Variants in AHRR observed in about 807,000 individuals in gnomAD.
AHRR encodes the protein aryl hydrocarbon receptor repressor, also known as ahR repressor.
In AHRR, 28 loss-of-function variants were observed where a neutral mutation model predicts 44.0. That is an observed-to-expected ratio of 0.64 (90% CI 0.47 to 0.87). The LOEUF (loss-of-function observed/expected upper bound fraction) is 0.87, where lower values mean the gene tolerates loss of function less well. Ranked by LOEUF, AHRR falls within the 40% of genes least tolerant of loss-of-function variation. AHRR has a pLI of 0.00. For missense variants in AHRR, 990 were observed against 953.9 expected (o/e 1.04, Z -0.50); for synonymous variants, 434 against 407.0 (o/e 1.07, Z -0.80).
chr5:329,010 CT>C (rs1741825331), intron 1 of AHRR, among the ~76,000 whole-genome samples: 3 of 152,192 alleles, frequency 2.0e-5, no homozygotes, highest in Admixed American at 2.0e-4. Context: ...AGGGAGAGAC[CT>C]GGTGGGAAGT....
chr5:352,362 C>G (rs1742885865), intron 2 of AHRR, among the ~76,000 whole-genome samples: 1 of 148,786 alleles, frequency 6.7e-6, no homozygotes, highest in Admixed American at 6.7e-5. Flanking sequence ...AGGGGACGGT[C>G]ACTGTGAGGT....
intron 8 of AHRR, among the ~76,000 whole-genome samples, chr5:430,996 C>G (rs1222613162): frequency 6.6e-6 from 1 of 152,230 alleles, no homozygotes; most frequent in African/African-American, 2.4e-5. Context: ...CCCAGGTCTT[C>G]CGGCACCTAC....
In AHRR at chr5:404,070, G is replaced by A. The variant is rs576827966; in HGVS notation, c.352-9274G>A. 2.7e-5 allele frequency: 18 copies of A among 676,860 alleles called. No individual in the cohort carries two copies. Among genetic ancestry groups the A allele is most frequent in the South Asian group, 4.4e-5 (3 of 67,454 alleles). The allele number at this position is 676,860 out of a possible 1,614,324, so 41.9% of individuals were successfully genotyped here. ...TTGCATCCAAATCATGTTGTCCAGC[G>A]TTTGAAGAAAAAGTCAGTTCCGTTG... On this transcript the variant is annotated intron_variant, in intron 4 of 10. Coordinates refer to ENST00000684583, the MANE Select transcript of AHRR (RefSeq NM_001377236.1). The surrounding 1 kb of genome is among the most constrained non-coding windows in gnomAD (Gnocchi z 4.1).
intron 3 of AHRR, among the ~76,000 whole-genome samples, chr5:362,021 A>G (rs531429547): frequency 1.3e-5 from 2 of 152,332 alleles, no homozygotes; most frequent in South Asian, 4.1e-4. Flanking sequence ...CCTAAAACTC[A>G]TATGTTGAAG....
chr5:378,203 C>A (rs1354417602), intron 4 of AHRR, among the ~76,000 whole-genome samples: 1 of 152,224 alleles, frequency 6.6e-6, no homozygotes, highest in Non-Finnish European at 1.5e-5. Context: ...GCAACAACAG[C>A]AGCAAATCCC....
rs11285209 is a variant in AHRR, at chr5:412,715, CTTTTTTTTTT to C, written c.352-617_352-608del. On this transcript the variant is annotated intron_variant, in intron 4 of 10. Transcript: ENST00000684583. ...GAGTTCAACATTTTTCTCTCTCTCT[CTTTTTTTTTT>C]TTTTTTTTTTTCTGAGACAGAGTCT... Among the ~76,000 whole-genome samples the C allele has an allele frequency of 3.1e-5, 3 of 96,952 alleles. 1 individual carries two copies. The highest frequency in any genetic ancestry group is 1.1e-4 in the African/African-American group (3 of 26,658). The allele number at this position is 96,952 out of a possible 152,430, so 63.6% of individuals were successfully genotyped here.
chr5:364,239 TA>T (rs1743278255), intron 3 of AHRR, among the ~76,000 whole-genome samples: 1 of 152,154 alleles, frequency 6.6e-6, no homozygotes, highest in Non-Finnish European at 1.5e-5. Context: ...AGGAGAATAT[TA>T]AACATATACT....
chr5:345,441 G>GGT (rs141357680), intron 2 of AHRR, among the ~76,000 whole-genome samples: 827 of 81,550 alleles, frequency 0.01, 29 homozygotes, highest in Middle Eastern at 0.016. Flanking sequence ...TGCGTGTGTG[G>GGT]GTGTGTGTGT....
intron 3 of AHRR, among the ~76,000 whole-genome samples, chr5:366,801 C>G (rs1743375661): frequency 6.6e-6 from 1 of 152,190 alleles, no homozygotes; most frequent in Non-Finnish European, 1.5e-5. Context: ...TAACTTCGGT[C>G]TAATCACGAG....
rs567854885 is a variant in AHRR at position 430,943 on chromosome 5, A to G, written c.909-1520A>G. ...TAAAGGGAAAAGAAGTAAATGCTAC[A>G]TAGGTGCACAGAAAAGGACCTGGGG... On this transcript the variant is annotated intron_variant, in intron 8 of 10. Transcript: ENST00000684583. Among the ~76,000 whole-genome samples, 3 of 152,150 alleles carry G rather than the reference A, an allele frequency of 2.0e-5. No homozygotes were observed. In the East Asian group the frequency reaches 5.8e-4, roughly 29 times the overall value.
At chr5:356,385 C>T (rs1743047874) in intron 3 of AHRR, among the ~76,000 whole-genome samples, 1 of 152,250 alleles carries the variant, frequency 6.6e-6, no homozygotes, top group Non-Finnish European at 1.5e-5. Context: ...TGCTGAAGCC[C>T]AGTTGTGGGT....
chr5:417,221 G>A (rs978599438), intron 5 of AHRR, among the ~76,000 whole-genome samples: 2 of 149,378 alleles, frequency 1.3e-5, no homozygotes. Context: ...TGTATGTGCA[G>A]GGCCCGAGTC....
chr5:332,748 A>C lies in AHRR; in HGVS notation c.-11+10929A>C, dbSNP rs558002539. Among the ~76,000 whole-genome samples, 9 of 152,228 alleles carry C rather than the reference A, an allele frequency of 5.9e-5. No individual in the cohort carries two copies. The South Asian group carries it at 1.9e-3, about 32-fold the overall frequency. Reference sequence around the variant, plus strand: ...ATTTTCCATTTAGCTGATCTGTCTAATGCCATGAGTAGTGTGTTGAAGTCC... The same window carrying C: ...ATTTTCCATTTAGCTGATCTGTCTACTGCCATGAGTAGTGTGTTGAAGTCC... On this transcript the variant is annotated intron_variant, in intron 1 of 10. Coordinates refer to ENST00000684583, the MANE Select transcript of AHRR (RefSeq NM_001377236.1).
chr5:374,229 C>T (rs1743698562), intron 3 of AHRR, among the ~76,000 whole-genome samples: 1 of 152,146 alleles, frequency 6.6e-6, no homozygotes, highest in Admixed American at 6.5e-5. Context: ...TCTCACGGGG[C>T]GACCCCAGCA....
At chr5:384,557 G>A (rs1261009470) in intron 4 of AHRR, among the ~76,000 whole-genome samples, 1 of 151,992 alleles carries the variant, frequency 6.6e-6, no homozygotes, top group East Asian at 1.9e-4. Context: ...CCGAGTGGCT[G>A]GGATTACAGG....
At chr5:362,762 G>T (rs531335563) in intron 3 of AHRR, among the ~76,000 whole-genome samples, 1 of 152,290 alleles carries the variant, frequency 6.6e-6, no homozygotes, top group South Asian at 2.1e-4. Context: ...TCTTTTAACT[G>T]CTTCCAAAAG....
chr5:353,479 G>A (rs1182930877), intron 2 of AHRR, among the ~76,000 whole-genome samples: 1 of 152,164 alleles, frequency 6.6e-6, no homozygotes, highest in Non-Finnish European at 1.5e-5. Flanking sequence ...GCTCTGAGCT[G>A]CGGTTCTCCG....
intron 1 of AHRR, among the ~76,000 whole-genome samples, chr5:336,726 G>C (rs1262735246): frequency 6.6e-6 from 1 of 152,050 alleles, no homozygotes; most frequent in Non-Finnish European, 1.5e-5. Flanking sequence ...CACATTTAAG[G>C]TCATTATCCA....
chr5:400,555 G>A lies in AHRR; in HGVS notation c.352-12789G>A, dbSNP rs555882557. Among the ~76,000 whole-genome samples the A allele has an allele frequency of 1.3e-4, 20 of 151,794 alleles. No homozygotes were observed. The South Asian group carries it at 2.3e-3, about 17-fold the overall frequency. On this transcript the variant is annotated intron_variant, in intron 4 of 10. Transcript: ENST00000684583. ...AGTGATCTCATTTTCCATGGACCAC[G>A]TTTAAAAAAAAAACAAAACTTTTGT... is the stretch of plus-strand genomic sequence containing the variant.
Sources: allele counts gnomAD v4.1 joint callset (sites outside exome capture counted in the v4.1 genomes callset), GRCh38; gene constraint gnomAD v4.1.1; non-coding constraint Gnocchi (gnomAD v3.1); transcripts MANE v1.5; gene names NCBI Gene and HGNC (gene_info 2026-07-23, HGNC 2026-07-21).